The following KLHL32 variants were observed in gnomAD, a reference collection of about 807,000 sequenced individuals.
The protein encoded by KLHL32 is kelch-like protein 32.
KLHL32 carries 35 observed loss-of-function variants against 64.8 expected under a neutral mutation model. The observed-to-expected ratio is 0.54, with a 90% CI of 0.41 to 0.72. KLHL32 has a LOEUF of 0.72. Among genes scored for constraint, KLHL32 ranks in the 30% least tolerant of loss-of-function variants. KLHL32 has a pLI of 0.00. For synonymous variants in KLHL32, 259 were observed against 281.0 expected, an observed-to-expected ratio of 0.92 and a Z score of 0.78; for missense variants, 589 against 768.5, an observed-to-expected ratio of 0.77 and a Z score of 2.76.
intron 4 of KLHL32, among the ~76,000 whole-genome samples, chr6:97,060,051 G>T (rs1562292356): frequency 6.6e-6 from 1 of 152,190 alleles, no homozygotes. Flanking sequence ...CACATGGTAT[G>T]TGTGTTTACT....
At chr6:97,117,473 A>T (rs1376060907) in intron 7 of KLHL32, among the ~76,000 whole-genome samples, 1 of 152,068 alleles carries the variant, frequency 6.6e-6, no homozygotes, top group Non-Finnish European at 1.5e-5. Context: ...CCTCTCCCCC[A>T]TTTTGGTCCA....
At chr6:97,060,802 TCTC>T (rs1413859752) in intron 4 of KLHL32, among the ~76,000 whole-genome samples, 1 of 152,064 alleles carries the variant, frequency 6.6e-6, no homozygotes, top group Non-Finnish European at 1.5e-5. Flanking sequence ...CCCATCCCCT[TCTC>T]CTGCACTTGT....
In KLHL32 at chr6:97,007,816, G is replaced by T. The variant is rs147401000; in HGVS notation, c.204+31639G>T. ...CTGGGGGGCTGGCAGTGGGGCCCTA[G>T]CTTTGTTCTCTGGCCCCTAAAGGTT... On this transcript the variant is annotated intron_variant, in intron 3 of 10. Coordinates refer to ENST00000369261, the MANE Select transcript of KLHL32 (RefSeq NM_052904.4). 2.7e-3 allele frequency among the ~76,000 whole-genome samples: 417 copies of T among 152,304 alleles called. 1 individual carries two copies. Among genetic ancestry groups the T allele is most frequent in the Admixed American group, 6.9e-3 (106 of 15,298 alleles).
At chr6:97,093,098 G>A (rs1794497762) in intron 6 of KLHL32, among the ~76,000 whole-genome samples, 1 of 152,168 alleles carries the variant, frequency 6.6e-6, no homozygotes, top group African/African-American at 2.4e-5. Flanking sequence ...TTGCTGCTGT[G>A]AGAAGGAAAA....
At chr6:97,030,720 A>G (rs879746220) in intron 3 of KLHL32, among the ~76,000 whole-genome samples, 2 of 152,144 alleles carry the variant, frequency 1.3e-5, no homozygotes, top group Non-Finnish European at 2.9e-5. Flanking sequence ...CTTTGAACTC[A>G]CTTGTGTTTC....
chr6:96,997,924 T>C (rs1778592161), intron 3 of KLHL32, among the ~76,000 whole-genome samples: 2 of 152,228 alleles, frequency 1.3e-5, no homozygotes, highest in Non-Finnish European at 2.9e-5. Flanking sequence ...TGGATTCATG[T>C]TGTTTCCTAT....
intron 1 of KLHL32, among the ~76,000 whole-genome samples, chr6:96,926,577 G>A (rs960073492): frequency 5.9e-5 from 9 of 152,100 alleles, no homozygotes; most frequent in African/African-American, 2.2e-4. Context: ...CAGTCTCCTT[G>A]CCTTTAAAAA....
rs1773322045 is a variant in KLHL32, at chr6:96,956,729, G to GCCTCTCCTTTTT, written c.-65-10266_-65-10265insCTCTCCTTTTTC. ...CTCTCCTTTTTCTTCTGGGAAAAAAGCTCATTTAATTCTTATAATGTTCGA... is the reference window on the plus strand; with the variant it reads ...CTCTCCTTTTTCTTCTGGGAAAAAAGCCTCTCCTTTTTCTCATTTAATTCTTATAATGTTCGA... On this transcript the variant is annotated intron_variant, in intron 1 of 10. Transcript: ENST00000369261. Among the ~76,000 whole-genome samples the GCCTCTCCTTTTT allele has an allele frequency of 5.3e-5, 8 of 152,122 alleles. No homozygotes were observed. In the East Asian group the frequency reaches 5.8e-4, roughly 11 times the overall value.
In KLHL32 at chr6:97,066,350, T is replaced by C. The variant is rs192273549; in HGVS notation, c.411+1624T>C. ...GCCTATAATTTTCTGTAAGTGAGAA[T>C]TCCAGATGAACATTAAAGGTCCATG... On this transcript the variant is annotated intron_variant, in intron 5 of 10. Coordinates refer to ENST00000369261, the MANE Select transcript of KLHL32 (RefSeq NM_052904.4). 1.4e-3 allele frequency among the ~76,000 whole-genome samples: 213 copies of C among 152,334 alleles called. 1 individual carries two copies. Among genetic ancestry groups the C allele is most frequent in the South Asian group, 4.4e-3 (21 of 4,820 alleles).
At chr6:96,946,375 G>C (rs996955219) in intron 1 of KLHL32, among the ~76,000 whole-genome samples, 21 of 151,864 alleles carry the variant, frequency 1.4e-4, no homozygotes, top group African/African-American at 5.1e-4. Flanking sequence ...TTACTTATTT[G>C]CCATGTTTAT....
At chr6:97,130,516 C>T (rs1158633441) in intron 8 of KLHL32, among the ~76,000 whole-genome samples, 2 of 152,124 alleles carry the variant, frequency 1.3e-5, no homozygotes, top group Non-Finnish European at 2.9e-5. Flanking sequence ...CTATAAAATG[C>T]AACACAAACT....
chr6:97,064,503 C>T, intron 4 of KLHL32, 125 bp from the exon 5 acceptor site: 7 of 665,230 alleles, frequency 1.1e-5, no homozygotes, highest in Non-Finnish European at 1.8e-5. Flanking sequence ...TAAAAAGGAA[C>T]AGTGTTAATT....
Position 97,139,359 on chromosome 6 carries a change from C to A in KLHL32, c.*77C>A. 1 of 1,254,822 alleles carries A rather than the reference C, an allele frequency of 8.0e-7. No individual in the cohort carries two copies. 77.7% of individuals were successfully genotyped at this position (1,254,822 alleles called of 1,614,324 possible). On this transcript the variant is annotated 3_prime_UTR_variant, in exon 11 of 11. Transcript: ENST00000369261. ...CTGGGCATGAAAAGACTCAGTGCTC[C>A]ATGCTTCCTTGTCTTGCTTTATAGG...
intron 1 of KLHL32, among the ~76,000 whole-genome samples, chr6:96,946,769 T>G (rs1771967876): frequency 6.6e-6 from 1 of 152,190 alleles, no homozygotes; most frequent in Non-Finnish European, 1.5e-5. Context: ...AGCTCTTATA[T>G]TCCCATCTTT....
chr6:97,008,808 T>C (rs2128088650), intron 3 of KLHL32, among the ~76,000 whole-genome samples: 1 of 152,230 alleles, frequency 6.6e-6, no homozygotes, highest in East Asian at 1.9e-4. Flanking sequence ...CATCCACTCA[T>C]TGCCTTCTCT....
chr6:97,052,518 AAAC>A (rs1787097974), intron 4 of KLHL32, among the ~76,000 whole-genome samples: 1 of 152,244 alleles, frequency 6.6e-6, no homozygotes, highest in East Asian at 1.9e-4. Context: ...CAATCTGTGT[AAAC>A]AAATGTTTCA....
In KLHL32 at chr6:97,130,902, A is replaced by G. The variant is rs1446402119; in HGVS notation, c.1559A>G (p.Asn520Ser). 13 of 1,614,124 alleles carry G rather than the reference A, an allele frequency of 8.1e-6. No individual in the cohort carries two copies. Among genetic ancestry groups the G allele is most frequent in the Non-Finnish European group, 1.1e-5 (13 of 1,179,984 alleles). Residue 520 changes from asparagine to serine, a missense_variant, in exon 9 of 11, where the codon AAC (asparagine) becomes AGC (serine). Coordinates refer to ENST00000369261, the MANE Select transcript of KLHL32 (RefSeq NM_052904.4). Reference protein sequence around the residue: ...RILVRHIDSYNIDTDQWTRCN... With the variant: ...RILVRHIDSYSIDTDQWTRCN... ...CTTGTGCGCCATATAGATTCTTACA[A>G]CATAGACACTGACCAGTGGACACGT...
chr6:96,918,063 C>A, the KLHL32 span, among the ~76,000 whole-genome samples: 1 of 152,216 alleles, frequency 6.6e-6, no homozygotes, highest in South Asian at 2.1e-4. Context: ...CCCTGAGGGA[C>A]AAAATCACCT....
At chr6:96,905,661 CTT>C in the KLHL32 span, among the ~76,000 whole-genome samples, 3 of 152,164 alleles carry the variant, frequency 2.0e-5, no homozygotes, top group South Asian at 2.1e-4. Flanking sequence ...AAGCATAAGT[CTT>C]GTCATACAGT....
Sources: gnomAD v4.1 joint callset for allele counts (sites outside exome capture counted in the v4.1 genomes callset) on GRCh38, gnomAD v4.1.1 for gene constraint, MANE v1.5 for transcripts, NCBI Gene and HGNC (gene_info 2026-07-23, HGNC 2026-07-21) for gene names.